The following MYORG variants were observed in gnomAD, a reference collection of about 807,000 sequenced individuals.
The protein encoded by MYORG is alpha-galactosidase MYORG.
In MYORG, 45 loss-of-function variants were observed where a neutral mutation model predicts 49.8. The observed-to-expected ratio is 0.90, with a 90% CI of 0.71 to 1.16. The LOEUF is 1.16. Among genes scored for constraint, MYORG ranks in the 50% most tolerant of loss-of-function variants. MYORG has a pLI of 0.00. For synonymous variants in MYORG, 552 were observed against 462.9 expected (o/e 1.19, Z -2.47); for missense variants, 1,110 against 1,026.5 (o/e 1.08, Z -1.11).
In MYORG at chr9:34,370,659, C is replaced by T. The variant is rs2131877168; in HGVS notation, c.*140G>A. ...TAGGCCCCACCTTCAGCAGCTGGTT[C>T]CAGCACATTTAAGTCAGCAGCCACT... On this transcript the variant is annotated 3_prime_UTR_variant, in exon 2 of 2. Coordinates refer to ENST00000297625, the MANE Select transcript of MYORG (RefSeq NM_020702.5). 1 of 1,408,944 alleles carries T rather than the reference C, an allele frequency of 7.1e-7. No homozygotes were observed. Among genetic ancestry groups the T allele is most frequent in the East Asian group, 2.5e-5 (1 of 39,448 alleles). The allele number at this position is 1,408,944 out of a possible 1,614,324, so 87.3% of individuals were successfully genotyped here.
In MYORG at chr9:34,372,730, C is replaced by T; in HGVS notation, c.214G>A (p.Val72Met). ...VLGLLLVLAAVVAWCYYSVSL... is the reference protein window; with the variant it reads ...VLGLLLVLAAMVAWCYYSVSL... The stretch of plus-strand genomic sequence containing the variant: ...ACGCTGTAGTAGCACCAGGCCACCA[C>T]CGCGGCCAGCACAAGCAGCAGCCCC... Residue 72 changes from valine (V) to methionine (M), a missense_variant, in exon 2 of 2, where the codon GTG becomes ATG. Transcript: ENST00000297625. The T allele has an allele frequency of 6.2e-7, 1 of 1,613,422 alleles. No homozygotes were observed. Among genetic ancestry groups the T allele is most frequent in the Non-Finnish European group, 8.5e-7 (1 of 1,179,682 alleles).
chr9:34,372,045 T>A lies in MYORG; in HGVS notation c.899A>T (p.Tyr300Phe). Residue 300 changes from tyrosine to phenylalanine, a missense_variant, in exon 2 of 2, where the codon TAC becomes TTC. Tyr to Phe is a conservative substitution (Grantham distance 22, BLOSUM62 3). Coordinates refer to ENST00000297625, the MANE Select transcript of MYORG (RefSeq NM_020702.5). ...TGGCACCCTTGACGGCTTGTTGAAG[T>A]AGCGACGCACCATGTACTTGTGGAT... ...TSIHKYMVRR[Y>F]FNKPSRVPAP... The A allele has an allele frequency of 6.2e-7, 1 of 1,613,874 alleles. No individual in the cohort carries two copies. The highest frequency in any genetic ancestry group is 1.3e-5 in the African/African-American group (1 of 75,066).
chr9:34,373,356 G>A (rs1354114682), intron 1 of MYORG, among the ~76,000 whole-genome samples: 8 of 152,182 alleles, frequency 5.3e-5, no homozygotes, highest in African/African-American at 1.7e-4. Context: ...ACATGGGGCC[G>A]TTCGGGCTGA....
Position 34,372,745 on chromosome 9 carries a change from G to T in MYORG, c.199C>A (p.Leu67Ile). ...LLGSAVLGLL[L>I]VLAAVVAWCY... ...CAGGCCACCACCGCGGCCAGCACAAGCAGCAGCCCCAGAACCGCGGAGCCC... is the reference window on the plus strand; with the variant it reads ...CAGGCCACCACCGCGGCCAGCACAATCAGCAGCCCCAGAACCGCGGAGCCC... Residue 67 changes from leucine (L) to isoleucine (I), a missense_variant, in exon 2 of 2, where the codon CTT (leucine) becomes ATT (isoleucine). Physicochemically the swap from Leu to Ile is conservative, Grantham distance 5 (BLOSUM62 2). Transcript: ENST00000297625. The T allele has an allele frequency of 6.2e-7, 1 of 1,613,746 alleles. No individual in the cohort carries two copies. Among genetic ancestry groups the T allele is most frequent in the Non-Finnish European group, 8.5e-7 (1 of 1,179,762 alleles).
chr9:34,375,276 C>T (rs969793976), intron 1 of MYORG, among the ~76,000 whole-genome samples: 1 of 152,188 alleles, frequency 6.6e-6, no homozygotes, highest in East Asian at 1.9e-4. Context: ...TGTCAATACA[C>T]AGCTCCTCCC....
chr9:34,370,911 G>A lies in MYORG; in HGVS notation c.2033C>T (p.Pro678Leu), dbSNP rs767494804. ...CTTGTAGCTGCGCCACTTGCCGGCGGGCAAATAGACGTCGCGCTCCTGCTT... is the reference window on the plus strand; with the variant it reads ...CTTGTAGCTGCGCCACTTGCCGGCGAGCAAATAGACGTCGCGCTCCTGCTT... Reference protein sequence around the residue: ...PGKQERDVYLPAGKWRSYKGE... With the variant: ...PGKQERDVYLLAGKWRSYKGE... The change falls in exon 2 of 2, where the codon CCC becomes CTC. Residue 678 changes from proline to leucine, a missense_variant. Transcript: ENST00000297625. 1.1e-5 allele frequency: 18 copies of A among 1,613,330 alleles called. No homozygotes were observed. The highest frequency in any genetic ancestry group is 8.3e-5 in the Admixed American group (5 of 60,012).
rs752653289 is a variant in MYORG, at chr9:34,371,566, A to G, written c.1378T>C (p.Phe460Leu). 1.2e-6 allele frequency: 2 copies of G among 1,605,200 alleles called. No individual in the cohort carries two copies. The highest frequency in any genetic ancestry group is 1.7e-6 in the Non-Finnish European group (2 of 1,179,096). Reference sequence around the variant, plus strand: ...CTGACCTCGCCCGCGTCGAACTTGAAGGAAGCCACGGAGTAGCGAGAGCGC... The same window carrying G: ...CTGACCTCGCCCGCGTCGAACTTGAGGGAAGCCACGGAGTAGCGAGAGCGC... ...RLRSRYSVASFKFDAGEVSYL... is the reference protein window; with the variant it reads ...RLRSRYSVASLKFDAGEVSYL... Residue 460 changes from phenylalanine to leucine, a missense_variant, in exon 2 of 2, where the codon TTC becomes CTC. Transcript: ENST00000297625.
rs866335788 is a variant in MYORG, at chr9:34,371,217, C to A, written c.1727G>T (p.Arg576Leu). ...GDVPERELYIRWLEVAAFMPA... is the reference protein window; with the variant it reads ...GDVPERELYILWLEVAAFMPA... ...CATAAAGGCGGCCACTTCCAGCCAG[C>A]GAATGTAGAGCTCGCGCTCGGGCAC... The change falls in exon 2 of 2, where the codon CGC (arginine) becomes CTC (leucine). Residue 576 changes from arginine to leucine, a missense_variant. By Grantham distance (102) the Arg-to-Leu change is moderately radical. Transcript: ENST00000297625. 1 of 1,610,398 alleles carries A rather than the reference C, an allele frequency of 6.2e-7. No individual in the cohort carries two copies. Among genetic ancestry groups the A allele is most frequent in the African/African-American group, 1.3e-5 (1 of 74,868 alleles).
chr9:34,372,144 T>C lies in MYORG; in HGVS notation c.800A>G (p.Tyr267Cys). The change falls in exon 2 of 2, where the codon TAC becomes TGC. Residue 267 changes from tyrosine (Y) to cysteine (C), a missense_variant. Tyr to Cys is a radical substitution (Grantham distance 194). Coordinates refer to ENST00000297625, the MANE Select transcript of MYORG (RefSeq NM_020702.5). ...RLQARYHDTP[Y>C]KPPAGRAAAP... ...TGCGGCGCGGCCGGCGGGTGGCTTGTAGGGCGTGTCGTGGTAGCGCGCCTG... is the reference window on the plus strand; with the variant it reads ...TGCGGCGCGGCCGGCGGGTGGCTTGCAGGGCGTGTCGTGGTAGCGCGCCTG... The C allele has an allele frequency of 1.2e-6, 2 of 1,611,692 alleles. No individual in the cohort carries two copies. Among genetic ancestry groups the C allele is most frequent in the African/African-American group, 2.7e-5 (2 of 75,038 alleles).
At position 34,371,478 on chromosome 9, in the gene MYORG, C is replaced by T; in HGVS notation, c.1466G>A (p.Arg489His). The T allele has an allele frequency of 1.9e-6, 3 of 1,612,212 alleles. No individual in the cohort carries two copies. Among genetic ancestry groups the T allele is most frequent in the Non-Finnish European group, 1.7e-6 (2 of 1,179,744 alleles). The change falls in exon 2 of 2, where the codon CGC becomes CAC. Residue 489 changes from arginine (R) to histidine (H), a missense_variant. Physicochemically the swap from Arg to His is conservative, Grantham distance 29. Transcript: ENST00000297625. ...GAAGGGCAGCGCCATCTCAGTGTAG[C>T]GCCGGCTCCAGACGCTGGGGTCCGG... is the stretch of plus-strand genomic sequence containing the variant. ...PLPDPSVWSRRYTEMALPFFS... is the reference protein window; with the variant it reads ...PLPDPSVWSRHYTEMALPFFS...
chr9:34,371,204 C>T lies in MYORG; in HGVS notation c.1740G>A (p.Val580=). ...ERELYIRWLE[V]AAFMPAMQFS... ...ACTGCATGGCCGGCATAAAGGCGGC[C>T]ACTTCCAGCCAGCGAATGTAGAGCT... The change falls in exon 2 of 2, where the codon GTG becomes GTA. Residue 580 remains valine, a synonymous_variant. Coordinates refer to ENST00000297625, the MANE Select transcript of MYORG (RefSeq NM_020702.5). 6.2e-7 allele frequency: 1 copy of T among 1,610,324 alleles called. No homozygotes were observed. The highest frequency in any genetic ancestry group is 8.5e-7 in the Non-Finnish European group (1 of 1,178,268).
At position 34,370,544 on chromosome 9, in the gene MYORG, G is replaced by A. The variant is rs558324774; in HGVS notation, c.*255C>T. On this transcript the variant is annotated 3_prime_UTR_variant, in exon 2 of 2. Coordinates refer to ENST00000297625, the MANE Select transcript of MYORG (RefSeq NM_020702.5). ...TCTCTGGCTTCCACCCCAGGGAAGA[G>A]GTTTCTGCAGATTGGTGTGAGTGTG... 199 of 500,784 alleles carry A rather than the reference G, an allele frequency of 4.0e-4. No individual in the cohort carries two copies. Among genetic ancestry groups the A allele is most frequent in the African/African-American group, 1.7e-3 (92 of 52,586 alleles). 31.0% of individuals were successfully genotyped at this position (500,784 alleles called of 1,614,324 possible).
Position 34,368,290 on chromosome 9 carries a change from C to T in MYORG, c.*2509G>A, listed in dbSNP as rs1282865227. ...TGACATGCCCTGCAGACATTTTCCC[C>T]ATGTCTTAGTGATTAACATTTGGCT... On this transcript the variant is annotated 3_prime_UTR_variant, in exon 2 of 2. Coordinates refer to ENST00000297625, the MANE Select transcript of MYORG (RefSeq NM_020702.5). 6.6e-6 allele frequency: 1 copy of T among 152,242 alleles called. No homozygotes were observed. Among genetic ancestry groups the T allele is most frequent in the East Asian group, 1.9e-4 (1 of 5,200 alleles). 9.4% of individuals were successfully genotyped at this position (152,242 alleles called of 1,614,324 possible). A position where few individuals can be genotyped will look rare whatever the true frequency, so the allele number is the denominator to read the frequency against.
intron 1 of MYORG, 35 bp from the exon 2 acceptor site, chr9:34,373,041 C>T: frequency 7.1e-7 from 1 of 1,405,694 alleles, no homozygotes; most frequent in Admixed American, 2.1e-5. Flanking sequence ...ACTGAGCTAT[C>T]TCATCCCATG....
chr9:34,371,787 C>T lies in MYORG; in HGVS notation c.1157G>A (p.Arg386His). The T allele has an allele frequency of 6.2e-7, 1 of 1,613,922 alleles. No homozygotes were observed. The highest frequency in any genetic ancestry group is 8.5e-7 in the Non-Finnish European group (1 of 1,179,826). The change falls in exon 2 of 2, where the codon CGC becomes CAC. Residue 386 changes from arginine to histidine, a missense_variant. By Grantham distance (29) the Arg-to-His change is conservative. Coordinates refer to ENST00000297625, the MANE Select transcript of MYORG (RefSeq NM_020702.5). ...MFRRLRDAGF[R>H]VTLWVHPFVN... is the part of the protein sequence containing the mutation. ...AAAAGGGTGCACCCAGAGCGTGACG[C>T]GGAAGCCGGCGTCGCGCAGGCGGCG...
Position 34,369,023 on chromosome 9 carries a change from A to C in MYORG, c.*1776T>G, listed in dbSNP as rs1458630960. The C allele has an allele frequency of 6.6e-6, 1 of 152,262 alleles. No individual in the cohort carries two copies. The highest frequency in any genetic ancestry group is 1.9e-4 in the East Asian group (1 of 5,202). The allele number at this position is 152,262 out of a possible 1,614,324, so 9.4% of individuals were successfully genotyped here. A position where few individuals can be genotyped will look rare whatever the true frequency, so the allele number is the denominator to read the frequency against. On this transcript the variant is annotated 3_prime_UTR_variant, in exon 2 of 2. Transcript: ENST00000297625. ...TGGCGGCAGGCAAGAGAGAATGAGA[A>C]CTAAGCAAAAGGGGAAACCTCTTAT...
At chr9:34,373,763 C>G (rs1330022518) in intron 1 of MYORG, among the ~76,000 whole-genome samples, 1 of 152,178 alleles carries the variant, frequency 6.6e-6, no homozygotes, top group Non-Finnish European at 1.5e-5. Context: ...CCCCTTGAGA[C>G]TTTTAACAGG....
chr9:34,367,769 G>A lies in MYORG; in HGVS notation c.*3030C>T, dbSNP rs1440357463. 6.6e-6 allele frequency: 1 copy of A among 152,254 alleles called. No homozygotes were observed. Among genetic ancestry groups the A allele is most frequent in the Admixed American group, 6.5e-5 (1 of 15,282 alleles). 9.4% of individuals were successfully genotyped at this position (152,254 alleles called of 1,614,324 possible). A position where few individuals can be genotyped will look rare whatever the true frequency, so the allele number is the denominator to read the frequency against. The stretch of plus-strand genomic sequence containing the variant: ...TACAGGCTGGCGTTGAGTGTCTGTG[G>A]CTTTTCCAGGTGCATGGTGCAAGCT... On this transcript the variant is annotated 3_prime_UTR_variant, in exon 2 of 2. Coordinates refer to ENST00000297625, the MANE Select transcript of MYORG (RefSeq NM_020702.5).
Position 34,369,066 on chromosome 9 carries a change from T to C in MYORG, c.*1733A>G, listed in dbSNP as rs1465032320. 6.6e-6 allele frequency: 1 copy of C among 152,156 alleles called. No homozygotes were observed. Among genetic ancestry groups the C allele is most frequent in the East Asian group, 1.9e-4 (1 of 5,200 alleles). The allele number at this position is 152,156 out of a possible 1,614,324, so 9.4% of individuals were successfully genotyped here. A position where few individuals can be genotyped will look rare whatever the true frequency, so the allele number is the denominator to read the frequency against. On this transcript the variant is annotated 3_prime_UTR_variant, in exon 2 of 2. Coordinates refer to ENST00000297625, the MANE Select transcript of MYORG (RefSeq NM_020702.5). ...CCTCTTATAAAATCATCAGCTCTCA[T>C]GAGATCTATTCACTATCACCAGAAC...
Sources: gnomAD v4.1 joint callset for allele counts (sites outside exome capture counted in the v4.1 genomes callset) on GRCh38, gnomAD v4.1.1 for gene constraint, MANE v1.5 for transcripts, NCBI Gene and HGNC (gene_info 2026-07-23, HGNC 2026-07-21) for gene names.